The following PPP2R1B variants were observed in gnomAD, a reference collection of about 807,000 sequenced individuals.
PPP2R1B encodes protein phosphatase 2 scaffold subunit Abeta.
In PPP2R1B, 58 loss-of-function variants were observed where a neutral mutation model predicts 72.7. That is an observed-to-expected ratio of 0.80 (90% CI 0.65 to 0.99). The LOEUF (loss-of-function observed/expected upper bound fraction) is 0.99. PPP2R1B is among the 50% of genes least tolerant of loss of function. The pLI is 0.00. For missense variants in PPP2R1B, 695 were observed against 733.6 expected (o/e 0.95, Z 0.61); for synonymous variants, 256 against 264.6 (o/e 0.97, Z 0.32).
chr11:111,716,931 C>G, the PPP2R1B span, among the ~76,000 whole-genome samples: 1 of 152,058 alleles, frequency 6.6e-6, no homozygotes, highest in African/African-American at 2.4e-5. Context: ...AACAAATTTA[C>G]AAGAAAAATC....
chr11:111,701,639 G>A, the PPP2R1B span: 1 of 1,547,946 alleles, frequency 6.5e-7, no homozygotes, highest in Non-Finnish European at 8.7e-7. The surrounding 1 kb of genome is among the most constrained non-coding windows in gnomAD (Gnocchi z 4.2). Context: ...GAAATGCCTA[G>A]GTAAAAGCTT....
At chr11:111,752,970 AAAAC>A (rs35779546) in intron 9 of PPP2R1B, among the ~76,000 whole-genome samples, 40 of 150,692 alleles carry the variant, frequency 2.7e-4, no homozygotes, top group South Asian at 2.1e-4. Flanking sequence ...CTCAAAAAAC[AAAAC>A]AAACAAACAA....
intron 5 of PPP2R1B, among the ~76,000 whole-genome samples, chr11:111,757,181 T>A (rs1484698231): frequency 4.6e-5 from 7 of 151,828 alleles, no homozygotes; most frequent in African/African-American, 1.7e-4. Context: ...TGTAGATTTG[T>A]GTATTATACA....
Position 111,761,068 on chromosome 11 carries a change from G to A in PPP2R1B, c.307-17C>T. 6.2e-7 allele frequency: 1 copy of A among 1,600,260 alleles called. No homozygotes were observed. Among genetic ancestry groups the A allele is most frequent in the African/African-American group, 1.3e-5 (1 of 74,716 alleles). The stretch of plus-strand genomic sequence containing the variant: ...CAAAGGAGGCTGAATGGATTAAAAA[G>A]GAAAACCAGAGAAGAAAACTTATTG... On this transcript the variant is annotated splice_polypyrimidine_tract_variant and intron_variant, in intron 3 of 14. Transcript: ENST00000527614.
rs553623756 is a variant in PPP2R1B at position 111,741,380 on chromosome 11, C to T, written c.*216G>A. The T allele has an allele frequency of 4.1e-4, 567 of 1,379,652 alleles. 10 individuals are homozygous for T. In the South Asian group the frequency reaches 8.3e-3, roughly 20 times the overall value. 85.5% of individuals were successfully genotyped at this position (1,379,652 alleles called of 1,614,324 possible). A position where few individuals can be genotyped will look rare whatever the true frequency, so the allele number is the denominator to read the frequency against. On this transcript the variant is annotated 3_prime_UTR_variant, in exon 15 of 15. Coordinates refer to ENST00000527614, the MANE Select transcript of PPP2R1B (RefSeq NM_002716.5). ...AGTGTCAGGAATTGGTCAATAAGAA[C>T]GGCTTAAATAATGATTTAACAAGGA...
intron 5 of PPP2R1B, 123 bp from the exon 6 acceptor site, chr11:111,755,573 C>A (rs1555049398): frequency 2.5e-6 from 2 of 789,624 alleles, no homozygotes; most frequent in Non-Finnish European, 3.6e-6. Flanking sequence ...TATAGTTTCA[C>A]GTCTTGACAT....
At chr11:111,731,383 C>T (rs1944186987) in intron 15 of PPP2R1B, among the ~76,000 whole-genome samples, 2 of 152,212 alleles carry the variant, frequency 1.3e-5, no homozygotes, top group South Asian at 2.1e-4. Context: ...ACTGCACGTG[C>T]GCTCACACAG....
chr11:111,722,815 T>C, downstream of PPP2R1B: 1 of 1,468,148 alleles, frequency 6.8e-7, no homozygotes. This position sits in a 1 kb window ranked among gnomAD's most constrained non-coding sequence, Gnocchi z 4.4. Context: ...TTGAGAACAC[T>C]GAATGTGTTG....
chr11:111,743,550 C>G lies in PPP2R1B; in HGVS notation c.1400-20G>C, dbSNP rs745869652. On this transcript the variant is annotated intron_variant, in intron 11 of 14. Coordinates refer to ENST00000527614, the MANE Select transcript of PPP2R1B (RefSeq NM_002716.5). ...CGTATACTGCAGAAGAGGTCAAAAA[C>G]ATGTTCTCATATCGCTTATTGTTTT... The G allele has an allele frequency of 3.1e-6, 5 of 1,591,176 alleles. No individual in the cohort carries two copies. Among genetic ancestry groups the G allele is most frequent in the Admixed American group, 1.9e-5 (1 of 52,932 alleles).
At chr11:111,743,694 A>T (rs1178161337) in intron 11 of PPP2R1B, among the ~76,000 whole-genome samples, 164 bp from the exon 12 acceptor site, 1 of 152,238 alleles carries the variant, frequency 6.6e-6, no homozygotes, top group African/African-American at 2.4e-5. Flanking sequence ...GCTCCAACTC[A>T]GTTTCCAAGT....
intron 1 of PPP2R1B, 36 bp downstream of exon 1, chr11:111,766,212 C>G: frequency 1.2e-6 from 2 of 1,606,382 alleles, no homozygotes; most frequent in Non-Finnish European, 1.7e-6. Flanking sequence ...CGCGACCAGC[C>G]GGTCTCGCCT....
In PPP2R1B at chr11:111,742,545, T is replaced by C; in HGVS notation, c.1675A>G (p.Ile559Val). 1.2e-6 allele frequency: 2 copies of C among 1,613,610 alleles called. No homozygotes were observed. The highest frequency in any genetic ancestry group is 1.7e-6 in the Non-Finnish European group (2 of 1,179,864). The change falls in exon 13 of 15, where the codon ATT becomes GTT. Residue 559 changes from isoleucine (I) to valine (V), a missense_variant. Ile to Val is a conservative substitution (Grantham distance 29, BLOSUM62 3). Transcript: ENST00000527614. Reference protein sequence around the residue: ...RFNVAKSLQKIGPILDTNALQ... With the variant: ...RFNVAKSLQKVGPILDTNALQ... The stretch of plus-strand genomic sequence containing the variant: ...TACTTGGTATCTAGAATTGGTCCAA[T>C]CTTTTGTAGAGATTTGGCCACATTG...
chr11:111,737,459 C>T, downstream of PPP2R1B: 1 of 1,614,268 alleles, frequency 6.2e-7, no homozygotes, highest in South Asian at 1.1e-5. Flanking sequence ...TTCCCCATGT[C>T]CTCTCCAGGC....
chr11:111,724,390 C>G (rs144049128), downstream of PPP2R1B: 8 of 508,566 alleles, frequency 1.6e-5, no homozygotes, highest in Non-Finnish European at 2.8e-5. Context: ...GGAGCAAGCT[C>G]TCGAGGGCAG....
At chr11:111,765,209 G>T in intron 2 of PPP2R1B, 85 bp downstream of exon 2, 1 of 1,312,372 alleles carries the variant, frequency 7.6e-7, no homozygotes, top group Non-Finnish European at 1.1e-6. Flanking sequence ...ATTTTAATGT[G>T]GGTAATAAAC....
Position 111,752,293 on chromosome 11 carries a change from A to G in PPP2R1B, c.1204T>C (p.Cys402Arg). ...CGGATTCCAATCACTTCATTTACAC[A>G]ATCCAAATTGGAGATGATATTCAAA... ...VRLNIISNLD[C>R]VNEVIGIRQL... is the part of the protein sequence containing the mutation. The change falls in exon 10 of 15, where the codon TGT (cysteine) becomes CGT (arginine). Residue 402 changes from cysteine to arginine, a missense_variant. Transcript: ENST00000527614. 1 of 1,613,410 alleles carries G rather than the reference A, an allele frequency of 6.2e-7. No homozygotes were observed.
chr11:111,745,496 G>C (rs1325801393), intron 11 of PPP2R1B, among the ~76,000 whole-genome samples: 1 of 152,108 alleles, frequency 6.6e-6, no homozygotes, highest in Non-Finnish European at 1.5e-5. Flanking sequence ...AACTCTACTT[G>C]GCCAGATGCC....
chr11:111,748,848 A>T (rs916991256), intron 10 of PPP2R1B, among the ~76,000 whole-genome samples: 34 of 152,084 alleles, frequency 2.2e-4, no homozygotes, highest in Admixed American at 2.2e-3. Flanking sequence ...AATAAGACAA[A>T]ATAGCTTTTT....
At chr11:111,718,042 C>A in the PPP2R1B span, among the ~76,000 whole-genome samples, 2 of 151,946 alleles carry the variant, frequency 1.3e-5, no homozygotes, top group Non-Finnish European at 2.9e-5. Flanking sequence ...AACAAACCTG[C>A]ACATCCTGCA....
Sources: gnomAD v4.1 joint callset for allele counts (sites outside exome capture counted in the v4.1 genomes callset) on GRCh38, gnomAD v4.1.1 for gene constraint, Gnocchi (gnomAD v3.1) non-coding constraint, MANE v1.5 for transcripts, NCBI Gene and HGNC (gene_info 2026-07-23, HGNC 2026-07-21) for gene names.